The following CD5 variants were observed in gnomAD, a reference collection of about 807,000 sequenced individuals.
CD5 encodes CD5 molecule.
A neutral mutation model predicts 60.3 loss-of-function variants in CD5; 36 were observed. The observed-to-expected ratio is 0.60, with a 90% CI of 0.46 to 0.79. CD5 has a LOEUF of 0.79. CD5 is among the 30% of genes least tolerant of loss of function. The pLI is 0.00. For synonymous variants in CD5, 230 were observed against 257.6 expected (o/e 0.89, Z 1.03); for missense variants, 540 against 630.6 (o/e 0.86, Z 1.54).
intron 1 of CD5, 77 bp downstream of exon 1, chr11:61,102,692 A>G: frequency 7.9e-7 from 1 of 1,270,688 alleles, no homozygotes; most frequent in Non-Finnish European, 1.1e-6. Flanking sequence ...GTTTTACCCA[A>G]GGCTGACTCT....
At chr11:61,114,982 G>T in intron 1 of CD5, 74 bp from the exon 2 acceptor site, 1 of 1,433,484 alleles carries the variant, frequency 7.0e-7, no homozygotes. Flanking sequence ...TGCTCGGGCT[G>T]TGGGTGGGTG....
intron 1 of CD5, among the ~76,000 whole-genome samples, chr11:61,111,836 G>C (rs1860859287): frequency 6.6e-6 from 1 of 152,216 alleles, no homozygotes; most frequent in Middle Eastern, 3.2e-3. Flanking sequence ...AGTAGCACCA[G>C]CTCTGAGCAC....
chr11:61,116,469 C>T (rs78113979), intron 2 of CD5, among the ~76,000 whole-genome samples: 12,907 of 130,800 alleles, frequency 0.099, 547 homozygotes, highest in South Asian at 0.12. Context: ...ACACACACAC[C>T]GCACACCACA....
In CD5 at chr11:61,121,696, G is replaced by A; in HGVS notation, c.891G>A (p.Trp297Ter). ...TGGAGGTGCGCCAGGGGGCTCAGTG[G>A]GCAGCCCTGTGTGACAGCTCTTCAG... is the stretch of plus-strand genomic sequence containing the variant. ...GTVEVRQGAQ[W>*]AALCDSSSAR... The change falls in exon 6 of 11, where the codon TGG (tryptophan) becomes TGA (stop). Residue 297 changes from tryptophan to a stop codon, truncating the protein, a stop_gained. Coordinates refer to ENST00000347785, the MANE Select transcript of CD5 (RefSeq NM_014207.4). LOFTEE classifies it high-confidence loss of function. 1.2e-6 allele frequency: 2 copies of A among 1,603,474 alleles called. No individual in the cohort carries two copies. Among genetic ancestry groups the A allele is most frequent in the Non-Finnish European group, 1.7e-6 (2 of 1,172,744 alleles).
intron 8 of CD5, among the ~76,000 whole-genome samples, chr11:61,124,351 A>T (rs1861115084): frequency 6.6e-6 from 1 of 152,228 alleles, no homozygotes; most frequent in Non-Finnish European, 1.5e-5. Context: ...AGCTAAGCAT[A>T]GCTATTTCAG....
chr11:61,102,069 G>GTTT (rs963587205), upstream of CD5, among the ~76,000 whole-genome samples: 5 of 152,230 alleles, frequency 3.3e-5, no homozygotes, highest in Admixed American at 2.0e-4. Context: ...GGAATGGAGG[G>GTTT]TTTGGTTTTG....
upstream of CD5, among the ~76,000 whole-genome samples, chr11:61,097,556 C>G (rs1204237186): frequency 6.6e-6 from 1 of 152,218 alleles, no homozygotes; most frequent in East Asian, 1.9e-4. Context: ...CTGGATTATA[C>G]TGGATATGTG....
chr11:61,101,918 A>G (rs997698321), upstream of CD5, among the ~76,000 whole-genome samples: 14 of 142,200 alleles, frequency 9.8e-5, no homozygotes, highest in Non-Finnish European at 1.8e-4. Flanking sequence ...CTCTACACAC[A>G]CACACACACA....
chr11:61,121,380 G>A (rs931125111), intron 5 of CD5, among the ~76,000 whole-genome samples: 1 of 152,254 alleles, frequency 6.6e-6, no homozygotes, highest in African/African-American at 2.4e-5. Context: ...GTCTCAGGAT[G>A]GTGCTGGCAG....
chr11:61,098,454 A>G (rs1287171841), upstream of CD5, among the ~76,000 whole-genome samples: 1 of 152,246 alleles, frequency 6.6e-6, no homozygotes, highest in African/African-American at 2.4e-5. Flanking sequence ...AGAAAGAAGA[A>G]GTAAAAACTA....
At chr11:61,106,157 A>G (rs984941818) in intron 1 of CD5, among the ~76,000 whole-genome samples, 26 of 150,986 alleles carry the variant, frequency 1.7e-4, no homozygotes, top group Admixed American at 1.1e-3. Flanking sequence ...CACCCGAAAT[A>G]TTTACACATT....
At chr11:61,111,677 G>A (rs1443907187) in intron 1 of CD5, among the ~76,000 whole-genome samples, 2 of 152,220 alleles carry the variant, frequency 1.3e-5, no homozygotes, top group Non-Finnish European at 2.9e-5. Context: ...GACCATCTGC[G>A]CGAAGTTTCC....
At position 61,118,274 on chromosome 11, in the gene CD5, G is replaced by T. The variant is rs887498822; in HGVS notation, c.194G>T (p.Gly65Val). 1 of 1,614,268 alleles carries T rather than the reference G, an allele frequency of 6.2e-7. No homozygotes were observed. Among genetic ancestry groups the T allele is most frequent in the Non-Finnish European group, 8.5e-7 (1 of 1,180,050 alleles). The change falls in exon 3 of 11, where the codon GGC becomes GTC. Residue 65 changes from glycine to valine, a missense_variant. By Grantham distance (109) the Gly-to-Val change is moderately radical. Coordinates refer to ENST00000347785, the MANE Select transcript of CD5 (RefSeq NM_014207.4). This position sits in a 1 kb window ranked among gnomAD's most constrained non-coding sequence, Gnocchi z 4.7. ...CACATGGTTTGCAGCCAGAGCTGGG[G>T]CCGGAGCTCCAAGCAGTGGGAGGAC... ...GWHMVCSQSW[G>V]RSSKQWEDPS...
rs1861151507 is a variant in CD5 at position 61,126,569 on chromosome 11, T to C, written c.*284T>C. On this transcript the variant is annotated 3_prime_UTR_variant, in exon 11 of 11. Coordinates refer to ENST00000347785, the MANE Select transcript of CD5 (RefSeq NM_014207.4). ...TCGGGGGTGTCTGAAGGGGGCCCCC[T>C]TTCCCTGCCCGCTGGGGAGCGGCGT... The C allele has an allele frequency of 6.6e-6, 1 of 152,238 alleles. No homozygotes were observed. The highest frequency in any genetic ancestry group is 2.1e-4 in the South Asian group (1 of 4,828). The allele number at this position is 152,238 out of a possible 1,614,324, so 9.4% of individuals were successfully genotyped here.
At chr11:61,095,651 C>A in the CD5 span, among the ~76,000 whole-genome samples, 6 of 152,184 alleles carry the variant, frequency 3.9e-5, no homozygotes, top group East Asian at 1.2e-3. Context: ...CAGGAACAGA[C>A]CCCCAATAGG....
chr11:61,119,506 T>G lies in CD5; in HGVS notation c.736T>G (p.Ser246Ala). 6.2e-7 allele frequency: 1 copy of G among 1,614,042 alleles called. No individual in the cohort carries two copies. Among genetic ancestry groups the G allele is most frequent in the South Asian group, 1.1e-5 (1 of 91,080 alleles). The change falls in exon 5 of 11, where the codon TCC becomes GCC. Residue 246 changes from serine to alanine, a missense_variant. Transcript: ENST00000347785. ...QWKIQNSSCT[S>A]LEHCFRKIKP... ...GAAGATCCAGAACTCAAGCTGTACC[T>G]CCCTGGAGCATTGCTTCAGGAAAAT...
At chr11:61,126,060 A>G (rs1861144985) in intron 10 of CD5, among the ~76,000 whole-genome samples, 1 of 152,220 alleles carries the variant, frequency 6.6e-6, no homozygotes, top group East Asian at 1.9e-4. Flanking sequence ...AACTTTAACA[A>G]TCAACTCTTA....
At chr11:61,116,668 A>ACACACACCCCACACACACCACACACAC (rs1860962704) in intron 2 of CD5, among the ~76,000 whole-genome samples, 1 of 6,078 alleles carries the variant, frequency 1.6e-4, no homozygotes, top group African/African-American at 6.5e-4. Flanking sequence ...CACACACACC[A>ACACACACCCCACACACACCACACACAC]CACACACACA....
rs751359591 is a variant in CD5 at position 61,119,552 on chromosome 11, G to A, written c.782G>A (p.Arg261Gln). Residue 261 changes from arginine to glutamine, a missense_variant, in exon 5 of 11, where the codon CGA becomes CAA. Transcript: ENST00000347785. Reference sequence around the variant, plus strand: ...AAAATCAAGCCCCAGAAAAGTGGCCGAGTTCTTGCCCTCCTTTGCTCAGGT... The same window carrying A: ...AAAATCAAGCCCCAGAAAAGTGGCCAAGTTCTTGCCCTCCTTTGCTCAGGT... ...FRKIKPQKSG[R>Q]VLALLCSGFQ... 13 of 1,611,790 alleles carry A rather than the reference G, an allele frequency of 8.1e-6. No individual in the cohort carries two copies. The highest frequency in any genetic ancestry group is 6.6e-5 in the South Asian group (6 of 91,004).
Sources: gnomAD v4.1 joint callset for allele counts (sites outside exome capture counted in the v4.1 genomes callset) on GRCh38, gnomAD v4.1.1 for gene constraint, Gnocchi (gnomAD v3.1) non-coding constraint, MANE v1.5 for transcripts, NCBI Gene and HGNC (gene_info 2026-07-23, HGNC 2026-07-21) for gene names.